KAZN: variants seen among roughly 807,000 people sequenced by gnomAD.
KAZN encodes the protein kazrin, periplakin interacting protein.
KAZN carries 40 observed loss-of-function variants against 87.4 expected under a neutral mutation model. The ratio of observed to expected loss-of-function variants is 0.46; its 90% CI spans 0.36 to 0.60. The LOEUF (loss-of-function observed/expected upper bound fraction) is 0.60. KAZN is among the 20% of genes least tolerant of loss of function. The pLI, the probability that KAZN is intolerant of heterozygous loss-of-function variation, is 0.00. For synonymous variants in KAZN, 466 were observed against 458.3 expected (o/e 1.02, Z -0.22); for missense variants, 898 against 1,073.9 (o/e 0.84, Z 2.29).
chr1:14,092,092 C>CTTTTTT (rs869248379), intron 1 of KAZN, among the ~76,000 whole-genome samples: 33 of 129,054 alleles, frequency 2.6e-4, no homozygotes, highest in African/African-American at 3.7e-4. Flanking sequence ...ATTTTCTTTT[C>CTTTTTT]TTTTTTTTTT....
chr1:14,149,370 G>A (rs1160754463), intron 1 of KAZN, among the ~76,000 whole-genome samples: 5 of 151,764 alleles, frequency 3.3e-5, no homozygotes, highest in African/African-American at 1.2e-4. Flanking sequence ...GCCTCCCAAA[G>A]TGCTGGGATT....
Position 14,252,814 on chromosome 1 carries a change from T to C in KAZN, c.249+72222T>C, listed in dbSNP as rs190610236. On this transcript the variant is annotated intron_variant, in intron 2 of 16. Coordinates refer to the KAZN transcript ENST00000636203. ...ACACAATAAATTTATTCTGCACTCATCTTACAATCCGTTGTTGGTTCAATG... is the reference window on the plus strand; with the variant it reads ...ACACAATAAATTTATTCTGCACTCACCTTACAATCCGTTGTTGGTTCAATG... Among the ~76,000 whole-genome samples, 3 of 152,304 alleles carry C rather than the reference T, an allele frequency of 2.0e-5. No homozygotes were observed. In the East Asian group the frequency reaches 5.8e-4, roughly 29 times the overall value.
intron 1 of KAZN, among the ~76,000 whole-genome samples, chr1:13,917,700 G>C (rs1355091961): frequency 1.3e-5 from 2 of 150,712 alleles, no homozygotes; most frequent in Non-Finnish European, 2.9e-5. Context: ...GGGAGGCTGA[G>C]GCAGGAGGAT....
At chr1:14,608,854 T>C (rs1038122686) in intron 1 of KAZN, among the ~76,000 whole-genome samples, 31 of 152,318 alleles carry the variant, frequency 2.0e-4, no homozygotes, top group African/African-American at 7.2e-4. Context: ...TTAAACATGG[T>C]GTATTTAAAC....
intron 2 of KAZN, among the ~76,000 whole-genome samples, chr1:14,180,909 C>T (rs1646183806): frequency 6.6e-6 from 1 of 152,182 alleles, no homozygotes; most frequent in Admixed American, 6.5e-5. Context: ...TCATAGCTGG[C>T]AAAGGCTTTG....
chr1:14,673,369 G>A (rs1207552168), intron 1 of KAZN, among the ~76,000 whole-genome samples: 1 of 152,232 alleles, frequency 6.6e-6, no homozygotes, highest in Non-Finnish European at 1.5e-5. Flanking sequence ...GTTTCAAAGT[G>A]GCCCATTGCA....
intron 2 of KAZN, among the ~76,000 whole-genome samples, chr1:14,520,074 T>C (rs1671507202): frequency 6.6e-6 from 1 of 152,148 alleles, no homozygotes; most frequent in African/African-American, 2.4e-5. Flanking sequence ...AGCAGTCACA[T>C]ATACAGCCTG....
chr1:14,403,647 C>T (rs1663601169), intron 2 of KAZN, among the ~76,000 whole-genome samples: 2 of 152,026 alleles, frequency 1.3e-5, no homozygotes, highest in African/African-American at 4.8e-5. Context: ...TATGAAATGG[C>T]CAGTCTAGAA....
At chr1:14,087,209 T>A (rs936628987) in intron 1 of KAZN, among the ~76,000 whole-genome samples, 11 of 152,162 alleles carry the variant, frequency 7.2e-5, no homozygotes, top group Admixed American at 6.5e-4. Context: ...ACTTAAAAAA[T>A]TCTCACAATT....
Position 15,047,770 on chromosome 1 carries a change from C to CA in KAZN, c.726+3621dup, listed in dbSNP as rs529941915. ...TGGGCAACAGAGCGAAACCCCATCT[C>CA]AAAAAAAAAAGAAGCCCCCCAGCTG... On this transcript the variant is annotated intron_variant, in intron 4 of 14. Coordinates refer to ENST00000376030, the MANE Select transcript of KAZN (RefSeq NM_201628.3). Among the ~76,000 whole-genome samples the CA allele has an allele frequency of 6.3e-3, 927 of 148,014 alleles. 7 individuals are homozygous for CA. Among genetic ancestry groups the CA allele is most frequent in the South Asian group, 0.043 (201 of 4,708 alleles).
At chr1:15,022,997 C>T (rs549156955) in intron 2 of KAZN, among the ~76,000 whole-genome samples, 2 of 152,312 alleles carry the variant, frequency 1.3e-5, no homozygotes, top group Admixed American at 6.5e-5. Context: ...GGGGCTGTGC[C>T]GAATGCCAGC....
At chr1:14,958,337 C>T (rs755513998) in intron 1 of KAZN, among the ~76,000 whole-genome samples, 3 of 152,142 alleles carry the variant, frequency 2.0e-5, no homozygotes, top group Non-Finnish European at 4.4e-5. Flanking sequence ...TGGAGCACTT[C>T]CTATGTATAC....
At chr1:14,318,188 T>C (rs1250269316) in intron 2 of KAZN, among the ~76,000 whole-genome samples, 1 of 152,132 alleles carries the variant, frequency 6.6e-6, no homozygotes, top group Non-Finnish European at 1.5e-5. Context: ...TCTTTATTCA[T>C]TGATATAGAT....
chr1:14,383,036 T>C (rs1328029651), intron 2 of KAZN, among the ~76,000 whole-genome samples: 55 of 151,070 alleles, frequency 3.6e-4, no homozygotes, highest in African/African-American at 1.2e-3. Flanking sequence ...TGGTATCTCG[T>C]TGTGGTTTTG....
rs534340999 is a variant in KAZN, at chr1:14,384,234, C to G, written c.249+203642C>G. On this transcript the variant is annotated intron_variant, in intron 2 of 16. Transcript: ENST00000636203. ...TTTTGGGCTGAGACAATGGGGTTTT[C>G]TAGATATACAATCATGTCATCTGCA... is the stretch of plus-strand genomic sequence containing the variant. Among the ~76,000 whole-genome samples, 20 of 151,900 alleles carry G rather than the reference C, an allele frequency of 1.3e-4. No homozygotes were observed. The South Asian group carries it at 4.2e-3, about 32-fold the overall frequency.
chr1:14,719,860 G>A (rs1643002960), intron 1 of KAZN, among the ~76,000 whole-genome samples: 1 of 152,170 alleles, frequency 6.6e-6, no homozygotes, highest in Admixed American at 6.5e-5. Flanking sequence ...TGAGAAAAAA[G>A]GGAGAGAAAC....
chr1:14,252,424 G>T (rs1650127590), intron 2 of KAZN, among the ~76,000 whole-genome samples: 1 of 152,142 alleles, frequency 6.6e-6, no homozygotes, highest in Non-Finnish European at 1.5e-5. Context: ...ATACCTTAAT[G>T]ATACCACTGC....
At chr1:14,710,051 ACC>A (rs1429078141) in intron 1 of KAZN, among the ~76,000 whole-genome samples, 1 of 152,068 alleles carries the variant, frequency 6.6e-6, no homozygotes, top group African/African-American at 2.4e-5. Context: ...TGTATGCCAC[ACC>A]CCAGGCTTCA....
chr1:14,566,202 G>A (rs1674539209), intron 2 of KAZN, among the ~76,000 whole-genome samples: 1 of 152,164 alleles, frequency 6.6e-6, no homozygotes, highest in African/African-American at 2.4e-5. Flanking sequence ...TGCTGTGTTA[G>A]CAGGTATGAA....
Sources: gnomAD v4.1 joint callset for allele counts (sites outside exome capture counted in the v4.1 genomes callset) on GRCh38, gnomAD v4.1.1 for gene constraint, MANE v1.5 for transcripts, NCBI Gene and HGNC (gene_info 2026-07-23, HGNC 2026-07-21) for gene names.